Variants in UNC5D observed in about 807,000 individuals in gnomAD.
The protein encoded by UNC5D is unc-5 netrin receptor D.
A neutral mutation model predicts 105.4 loss-of-function variants in UNC5D; 39 were observed. The observed-to-expected ratio is 0.37, with a 90% CI of 0.29 to 0.48. The LOEUF (loss-of-function observed/expected upper bound fraction) is 0.48. Ranked by LOEUF, UNC5D falls within the 20% of genes least tolerant of loss-of-function variation. UNC5D has a pLI of 0.98. For synonymous variants in UNC5D, 452 were observed against 450.4 expected, an observed-to-expected ratio of 1.00 and a Z score of -0.04; for missense variants, 991 against 1,202.4, an observed-to-expected ratio of 0.82 and a Z score of 2.60.
At chr8:35,678,828 T>C (rs1298628405) in intron 4 of UNC5D, among the ~76,000 whole-genome samples, 2 of 152,158 alleles carry the variant, frequency 1.3e-5, no homozygotes, top group East Asian at 3.9e-4. Context: ...TTCTCTCTCT[T>C]TTTTCTCTTT....
chr8:35,724,519 C>T (rs547036571), intron 9 of UNC5D, among the ~76,000 whole-genome samples: 5 of 152,226 alleles, frequency 3.3e-5, no homozygotes, highest in African/African-American at 1.2e-4. Flanking sequence ...GGGTGACTGT[C>T]GCTGGTCAGA....
At chr8:35,525,672 G>A (rs1395091631) in intron 1 of UNC5D, 30 of 1,610,968 alleles carry the variant, frequency 1.9e-5, no homozygotes, top group Non-Finnish European at 2.5e-5. Context: ...GTAGTCAAAG[G>A]CTACCACCTC....
chr8:35,553,857 C>T (rs539365771), intron 2 of UNC5D, among the ~76,000 whole-genome samples: 8 of 152,198 alleles, frequency 5.3e-5, no homozygotes, highest in African/African-American at 1.9e-4. Context: ...TGACTGGATT[C>T]GTAAAATAAT....
At chr8:35,683,371 A>G (rs1825800864) in intron 4 of UNC5D, among the ~76,000 whole-genome samples, 176 bp from the exon 5 acceptor site, 1 of 152,174 alleles carries the variant, frequency 6.6e-6, no homozygotes, top group African/African-American at 2.4e-5. Context: ...CATTTCCTGA[A>G]TATAACCAAA....
chr8:35,293,742 C>G (rs181905383), intron 1 of UNC5D, among the ~76,000 whole-genome samples: 1 of 152,280 alleles, frequency 6.6e-6, no homozygotes, highest in Admixed American at 6.5e-5. Flanking sequence ...TTTACTATAA[C>G]GGTTATGGCA....
intron 2 of UNC5D, among the ~76,000 whole-genome samples, chr8:35,564,646 C>T (rs551919577): frequency 2.0e-4 from 31 of 152,232 alleles, no homozygotes; most frequent in African/African-American, 4.8e-4. Context: ...TTTGGTTACA[C>T]GGATGAATTG....
intron 1 of UNC5D, among the ~76,000 whole-genome samples, chr8:35,526,229 A>G (rs1813861687): frequency 6.6e-6 from 1 of 152,216 alleles, no homozygotes; most frequent in Admixed American, 6.5e-5. Flanking sequence ...AGGCCCAGAC[A>G]TTCCACCAAA....
chr8:35,582,396 A>T (rs187530749), intron 3 of UNC5D, among the ~76,000 whole-genome samples: 1 of 152,230 alleles, frequency 6.6e-6, no homozygotes, highest in East Asian at 1.9e-4. Flanking sequence ...AAAAATATAG[A>T]TTTGGCTACC....
intron 4 of UNC5D, among the ~76,000 whole-genome samples, chr8:35,631,301 G>A (rs984627200): frequency 7.7e-6 from 1 of 129,632 alleles, no homozygotes; most frequent in Non-Finnish European, 1.6e-5. Context: ...GCAACAGAGT[G>A]AGACCCTGTC....
At chr8:35,270,099 T>A (rs1389910176) in intron 1 of UNC5D, among the ~76,000 whole-genome samples, 1 of 152,168 alleles carries the variant, frequency 6.6e-6, no homozygotes, top group Non-Finnish European at 1.5e-5. Context: ...GAAATGAAAC[T>A]GAGGCAACCA....
chr8:35,602,580 T>C (rs1819964537), intron 4 of UNC5D, among the ~76,000 whole-genome samples: 1 of 152,244 alleles, frequency 6.6e-6, no homozygotes. Flanking sequence ...TTCTAGTTTA[T>C]TTGCATAGAG....
chr8:35,702,219 A>G (rs1827252338), intron 7 of UNC5D, among the ~76,000 whole-genome samples: 1 of 152,212 alleles, frequency 6.6e-6, no homozygotes, highest in Non-Finnish European at 1.5e-5. Flanking sequence ...CTCACCTGCA[A>G]GATATAGGAG....
At chr8:35,645,013 C>T (rs1162389937) in intron 4 of UNC5D, among the ~76,000 whole-genome samples, 3 of 152,248 alleles carry the variant, frequency 2.0e-5, no homozygotes, top group African/African-American at 7.2e-5. Context: ...TTTGAGCAAT[C>T]TAACAATCCA....
In UNC5D at chr8:35,576,695, C is replaced by T. The variant is rs540873092; in HGVS notation, c.466+8454C>T. ...TGGCACAATCACGGCTCACTGCAAG[C>T]TCTACCTCCTGGGTTCATGCCATTC... is the stretch of plus-strand genomic sequence containing the variant. On this transcript the variant is annotated intron_variant, in intron 3 of 16. Transcript: ENST00000404895. 7.9e-5 allele frequency among the ~76,000 whole-genome samples: 12 copies of T among 152,326 alleles called. No homozygotes were observed. In the South Asian group the frequency reaches 2.5e-3, roughly 32 times the overall value.
chr8:35,784,820 AC>A (rs1200728251), intron 16 of UNC5D, among the ~76,000 whole-genome samples: 9 of 151,174 alleles, frequency 6.0e-5, no homozygotes, highest in African/African-American at 2.2e-4. Flanking sequence ...TCTTAATGAC[AC>A]TGCAAAAAAT....
chr8:35,341,362 C>T (rs983388637), intron 1 of UNC5D, among the ~76,000 whole-genome samples: 10 of 151,966 alleles, frequency 6.6e-5, no homozygotes, highest in Non-Finnish European at 1.2e-4. Flanking sequence ...CTTGGCTGAC[C>T]TATCACTTGG....
At chr8:35,585,520 C>T (rs988693770) in intron 3 of UNC5D, among the ~76,000 whole-genome samples, 6 of 144,326 alleles carry the variant, frequency 4.2e-5, no homozygotes, top group Admixed American at 2.8e-4. Flanking sequence ...TTATTGCAAC[C>T]ATAATATGTG....
chr8:35,688,419 G>T (rs1826168839), intron 7 of UNC5D, among the ~76,000 whole-genome samples: 1 of 152,188 alleles, frequency 6.6e-6, no homozygotes, highest in African/African-American at 2.4e-5. Flanking sequence ...TGTATTTTCA[G>T]ACTAATTCTG....
At position 35,774,223 on chromosome 8, in the gene UNC5D, T is replaced by C. The variant is rs146576891; in HGVS notation, c.2479-76T>C. On this transcript the variant is annotated intron_variant, in intron 15 of 16. Transcript: ENST00000404895. ...TTTGTGCATGTGTGTTAACCCAGAT[T>C]TTCTTAAAAAATGAAAGTGTTGGTC... 126 of 1,557,580 alleles carry C rather than the reference T, an allele frequency of 8.1e-5. No individual in the cohort carries two copies. The African/African-American group carries it at 1.6e-3, about 20-fold the overall frequency.
Sources: gnomAD v4.1 joint callset for allele counts (sites outside exome capture counted in the v4.1 genomes callset) on GRCh38, gnomAD v4.1.1 for gene constraint, MANE v1.5 for transcripts, NCBI Gene and HGNC (gene_info 2026-07-23, HGNC 2026-07-21) for gene names.